RBM19: variants seen among roughly 807,000 people sequenced by gnomAD.
The protein encoded by RBM19 is probable RNA-binding protein 19.
A neutral mutation model predicts 116.8 loss-of-function variants in RBM19; 94 were observed. That is an observed-to-expected ratio of 0.80 (90% CI 0.68 to 0.95). RBM19 has a LOEUF of 0.95. RBM19 is among the 40% of genes least tolerant of loss of function. The pLI is 0.00. For missense variants in RBM19, 1,161 were observed against 1,220.7 expected (o/e 0.95, Z 0.73); for synonymous variants, 475 against 494.1 (o/e 0.96, Z 0.51).
intron 22 of RBM19, among the ~76,000 whole-genome samples, chr12:113,850,909 T>C (rs920984720): frequency 6.6e-5 from 10 of 152,186 alleles, no homozygotes; most frequent in African/African-American, 4.8e-5. Flanking sequence ...GCTGGCACTG[T>C]TGGGGGCTCT....
chr12:113,822,944 C>T lies in RBM19; in HGVS notation c.*280G>A, dbSNP rs756048439. On this transcript the variant is annotated 3_prime_UTR_variant, in exon 24 of 24. Transcript: ENST00000261741. ...GCTGTTCCCAAGTCTCTCTTCCTAA[C>T]GTGGCTGCTCCCTTGGACTCTTCCG... 8.2e-6 allele frequency: 3 copies of T among 366,268 alleles called. No homozygotes were observed. The highest frequency in any genetic ancestry group is 1.0e-5 in the Non-Finnish European group (2 of 200,772). The allele number at this position is 366,268 out of a possible 1,614,324, so 22.7% of individuals were successfully genotyped here. A position where few individuals can be genotyped will look rare whatever the true frequency, so the allele number is the denominator to read the frequency against.
chr12:113,937,025 G>A lies in RBM19; in HGVS notation c.2050C>T (p.Pro684Ser), dbSNP rs1870132423. 6.2e-7 allele frequency: 1 copy of A among 1,614,032 alleles called. No homozygotes were observed. Among genetic ancestry groups the A allele is most frequent in the East Asian group, 2.2e-5 (1 of 44,858 alleles). Reference protein sequence around the residue: ...DTPSEPMEKDPAEPETVPDGE... With the variant: ...DTPSEPMEKDSAEPETVPDGE... ...CTCTTACCTGTTTCTGGCTCTGCTG[G>A]GTCCTTTTCCATGGGTTCTGAAGGT... Residue 684 changes from proline to serine, a missense_variant, in exon 16 of 24, where the codon CCA becomes TCA. Pro to Ser is a moderately conservative substitution (Grantham distance 74). Transcript: ENST00000261741.
chr12:113,865,848 G>A (rs1310664918), intron 21 of RBM19, among the ~76,000 whole-genome samples: 1 of 152,062 alleles, frequency 6.6e-6, no homozygotes, highest in Non-Finnish European at 1.5e-5. Context: ...AGGGGGCAGG[G>A]GGGCCAGCTA....
At chr12:113,926,220 G>A (rs753804524) in intron 17 of RBM19, among the ~76,000 whole-genome samples, 23 of 152,178 alleles carry the variant, frequency 1.5e-4, no homozygotes, top group Non-Finnish European at 2.5e-4. Flanking sequence ...CTGAGGTTCA[G>A]TGGACACTGT....
At chr12:113,947,109 T>G (rs1339727665) in intron 11 of RBM19, among the ~76,000 whole-genome samples, 1 of 152,066 alleles carries the variant, frequency 6.6e-6, no homozygotes, top group Non-Finnish European at 1.5e-5. Context: ...CAGACAGAGG[T>G]GTAGGTGCCA....
intron 13 of RBM19, among the ~76,000 whole-genome samples, chr12:113,943,341 C>A (rs758333444): frequency 6.6e-6 from 1 of 152,194 alleles, no homozygotes; most frequent in East Asian, 1.9e-4. Flanking sequence ...AGGCCCCCAG[C>A]TGGCCTGGGT....
intron 18 of RBM19, among the ~76,000 whole-genome samples, chr12:113,924,122 G>A (rs145559868): frequency 1.6e-3 from 249 of 152,336 alleles, no homozygotes; most frequent in Non-Finnish European, 3.0e-3. Flanking sequence ...GAGGCCAGGA[G>A]ACTCAGAATA....
At chr12:113,933,490 G>A (rs1042313986) in intron 16 of RBM19, among the ~76,000 whole-genome samples, 1 of 152,148 alleles carries the variant, frequency 6.6e-6, no homozygotes, top group Non-Finnish European at 1.5e-5. Context: ...AGCGGGGCTT[G>A]GAATTAGCAC....
chr12:113,924,865 C>A lies in RBM19; in HGVS notation c.2245-108G>T, dbSNP rs1228472966. 12 of 907,790 alleles carry A rather than the reference C, an allele frequency of 1.3e-5. No individual in the cohort carries two copies. In the Middle Eastern group the frequency reaches 6.5e-4, roughly 49 times the overall value. 56.2% of individuals were successfully genotyped at this position (907,790 alleles called of 1,614,324 possible). ...ATTTGCCATATGGACACCTTGGGGTCCCAAAAACATTTTGAGGTGATGAGT... is the reference window on the plus strand; with the variant it reads ...ATTTGCCATATGGACACCTTGGGGTACCAAAAACATTTTGAGGTGATGAGT... On this transcript the variant is annotated intron_variant, in intron 17 of 23. Coordinates refer to ENST00000261741, the MANE Select transcript of RBM19 (RefSeq NM_016196.4).
At chr12:113,831,446 C>G (rs564790477) in intron 23 of RBM19, among the ~76,000 whole-genome samples, 2 of 152,330 alleles carry the variant, frequency 1.3e-5, no homozygotes, top group Non-Finnish European at 2.9e-5. Flanking sequence ...ACCCTTCCTC[C>G]TGTCCCTGTT....
At chr12:113,936,414 G>A (rs1870069312) in intron 16 of RBM19, among the ~76,000 whole-genome samples, 1 of 152,226 alleles carries the variant, frequency 6.6e-6, no homozygotes, top group African/African-American at 2.4e-5. Context: ...ACAAGGACTG[G>A]GGGCACTCGT....
intron 8 of RBM19, among the ~76,000 whole-genome samples, 157 bp downstream of exon 8, chr12:113,952,355 A>G (rs1469356772): frequency 6.6e-6 from 1 of 152,236 alleles, no homozygotes; most frequent in African/African-American, 2.4e-5. Flanking sequence ...CAAGAGATGC[A>G]GCCTTAACCT....
intron 11 of RBM19, among the ~76,000 whole-genome samples, chr12:113,946,680 C>T (rs1014741848): frequency 2.0e-5 from 3 of 152,180 alleles, no homozygotes; most frequent in African/African-American, 7.2e-5. Context: ...CCACCTGACA[C>T]AGCTACACAC....
intron 23 of RBM19, among the ~76,000 whole-genome samples, chr12:113,823,962 G>A (rs77572683): frequency 0.019 from 2,907 of 152,350 alleles, 52 homozygotes; most frequent in Non-Finnish European, 0.035. Context: ...CAGAGGAGGC[G>A]TGGAGGGAAT....
At position 113,958,138 on chromosome 12, in the gene RBM19, G is replaced by A. The variant is rs1872139340; in HGVS notation, c.572-88C>T. The A allele has an allele frequency of 1.4e-5, 21 of 1,517,468 alleles. 1 individual carries two copies. Among genetic ancestry groups the A allele is most frequent in the Non-Finnish European group, 1.8e-5 (20 of 1,138,674 alleles). 94.0% of individuals were successfully genotyped at this position (1,517,468 alleles called of 1,614,324 possible). A position where few individuals can be genotyped will look rare whatever the true frequency, so the allele number is the denominator to read the frequency against. On this transcript the variant is annotated intron_variant, in intron 5 of 23. Transcript: ENST00000261741. ...AAATGGTAGATGGTCCTCCTAGTGA[G>A]AGGCCTGAGGCACCATGCCCACCGT...
intron 21 of RBM19, among the ~76,000 whole-genome samples, chr12:113,881,140 C>G (rs1880090736): frequency 6.6e-6 from 1 of 152,140 alleles, no homozygotes; most frequent in African/African-American, 2.4e-5. Flanking sequence ...CTGGAACACG[C>G]ACTGTCTTGG....
At chr12:113,886,815 C>T (rs548052327) in intron 21 of RBM19, among the ~76,000 whole-genome samples, 31 of 152,274 alleles carry the variant, frequency 2.0e-4, no homozygotes, top group Admixed American at 5.2e-4. Flanking sequence ...AACTTTAACA[C>T]GAGTTTCTCA....
intron 14 of RBM19, among the ~76,000 whole-genome samples, chr12:113,942,021 A>C (rs1320337696): frequency 6.6e-6 from 1 of 152,290 alleles, no homozygotes; most frequent in East Asian, 1.9e-4. Flanking sequence ...CCCCGAACAG[A>C]TAACAGATGC....
At chr12:113,922,372 A>G (rs148781998) in intron 18 of RBM19, among the ~76,000 whole-genome samples, 67 of 152,342 alleles carry the variant, frequency 4.4e-4, no homozygotes, top group African/African-American at 1.6e-3. Context: ...GATGGGCCCC[A>G]GAGAACAGGG....
Sources: gnomAD v4.1 joint callset for allele counts (sites outside exome capture counted in the v4.1 genomes callset) on GRCh38, gnomAD v4.1.1 for gene constraint, MANE v1.5 for transcripts, NCBI Gene and HGNC (gene_info 2026-07-23, HGNC 2026-07-21) for gene names.